Variants in C3 observed in about 807,000 individuals in gnomAD.
C3 encodes complement C3.
C3 carries 97 observed loss-of-function variants against 207.9 expected under a neutral mutation model. The ratio of observed to expected loss-of-function variants is 0.47; its 90% CI spans 0.40 to 0.55. C3 has a LOEUF of 0.55. Ranked by LOEUF, C3 falls within the 20% of genes least tolerant of loss-of-function variation. The pLI, the probability that C3 is intolerant of heterozygous loss-of-function variation, is 0.00. For missense variants in C3, 1,684 were observed against 2,171.7 expected, an observed-to-expected ratio of 0.78 and a Z score of 4.46; for synonymous variants, 848 against 857.6, an observed-to-expected ratio of 0.99 and a Z score of 0.20.
intron 4 of C3, among the ~76,000 whole-genome samples, chr19:6,715,306 CT>C (rs1198132824): frequency 6.6e-6 from 1 of 152,088 alleles, no homozygotes; most frequent in Non-Finnish European, 1.5e-5. Context: ...GAGACTCCAT[CT>C]CTACAAAAAT....
chr19:6,682,007 G>A lies in C3; in HGVS notation c.4284C>T (p.Tyr1428=). Residue 1428 remains tyrosine (Y), a synonymous_variant, in exon 35 of 41, where the codon TAC becomes TAT. Transcript: ENST00000245907. ...CTTTGTCCAGCTCATACTTGGAGAT[G>A]TATCTGTCAACACCATTGGCCAGCT... is the stretch of plus-strand genomic sequence containing the variant. ...LKQLANGVDR[Y]ISKYELDKAF... is the part of the protein sequence containing the mutation. The A allele has an allele frequency of 6.2e-7, 1 of 1,614,126 alleles. No homozygotes were observed. The highest frequency in any genetic ancestry group is 1.1e-5 in the South Asian group (1 of 91,084).
At chr19:6,682,102 G>C in intron 34 of C3, 40 bp downstream of exon 34, 1 of 1,605,552 alleles carries the variant, frequency 6.2e-7, no homozygotes, top group Non-Finnish European at 8.5e-7. Context: ...CCAGAACCCA[G>C]GCTCCTTTCC....
In C3 at chr19:6,694,442, A is replaced by G; in HGVS notation, c.3143T>C (p.Leu1048Pro). ...GGCAGGGAGCCCACCCTTCTTGATG[A>G]GCTCCAAGGCCCCCTGCCGCTTCTC... ...GLEKRQGALELIKKGYTQQLA... is the reference protein window; with the variant it reads ...GLEKRQGALEPIKKGYTQQLA... Residue 1048 changes from leucine to proline, a missense_variant, in exon 24 of 41, where the codon CTC becomes CCC. Leu to Pro is a moderately conservative substitution (Grantham distance 98). Coordinates refer to ENST00000245907, the MANE Select transcript of C3 (RefSeq NM_000064.4). The G allele has an allele frequency of 6.2e-7, 1 of 1,613,888 alleles. No individual in the cohort carries two copies. The highest frequency in any genetic ancestry group is 8.5e-7 in the Non-Finnish European group (1 of 1,179,868).
At position 6,686,263 on chromosome 19, in the gene C3, C is replaced by T. The variant is rs11569534; in HGVS notation, c.3671G>A (p.Gly1224Asp). 1.1e-3 allele frequency: 1,793 copies of T among 1,614,098 alleles called. 12 individuals are homozygous for T. The African/African-American group carries it at 0.019, about 18-fold the overall frequency. ...GGCCTCCACGTTGTAGAGCTGCTTA[C>T]CAGGGTCCTCCCAGCGGTTCTTATC... ...AKDKNRWEDP[G>D]KQLYNVEATS... Residue 1224 changes from glycine (G) to aspartate (D), a missense_variant, in exon 29 of 41, where the codon GGT becomes GAT. Coordinates refer to ENST00000245907, the MANE Select transcript of C3 (RefSeq NM_000064.4).
At position 6,709,845 on chromosome 19, in the gene C3, G is replaced by A. The variant is rs775861552; in HGVS notation, c.1687-3C>T. The A allele has an allele frequency of 6.2e-7, 1 of 1,613,754 alleles. No homozygotes were observed. Among genetic ancestry groups the A allele is most frequent in the Non-Finnish European group, 8.5e-7 (1 of 1,179,986 alleles). ...GACTGGCCGCTTTTTACCACCAGCTGTGGGGAGGGTGGAGACGCCGAAAGA... is the reference window on the plus strand; with the variant it reads ...GACTGGCCGCTTTTTACCACCAGCTATGGGGAGGGTGGAGACGCCGAAAGA... On this transcript the variant is annotated splice_polypyrimidine_tract_variant and splice_region_variant and intron_variant, in intron 13 of 40. Transcript: ENST00000245907.
At chr19:6,680,805 T>C (rs561279780) in intron 35 of C3, among the ~76,000 whole-genome samples, 1 of 152,042 alleles carries the variant, frequency 6.6e-6, no homozygotes, top group Non-Finnish European at 1.5e-5. Context: ...GCAGGGAGGA[T>C]ATGGGGATAG....
At chr19:6,683,802 A>G (rs1242299424) in intron 33 of C3, among the ~76,000 whole-genome samples, 3 of 152,246 alleles carry the variant, frequency 2.0e-5, no homozygotes, top group Admixed American at 6.5e-5. Flanking sequence ...ATGTTGTAAT[A>G]GAAACATTTA....
At chr19:6,713,126 G>C in intron 9 of C3, 63 bp downstream of exon 9, 1 of 1,591,822 alleles carries the variant, frequency 6.3e-7, no homozygotes, top group Non-Finnish European at 8.6e-7. Flanking sequence ...CTTCTGACCT[G>C]GTCTCCCCTC....
At chr19:6,678,112 C>T in intron 40 of C3, 40 bp downstream of exon 40, 1 of 1,614,040 alleles carries the variant, frequency 6.2e-7, no homozygotes, top group Non-Finnish European at 8.5e-7. Flanking sequence ...ATGGGCGGGG[C>T]AGTCGGGCGG....
chr19:6,693,674 G>T (rs1486049545), intron 24 of C3, among the ~76,000 whole-genome samples, 187 bp from the exon 25 acceptor site: 1 of 147,482 alleles, frequency 6.8e-6, no homozygotes, highest in Non-Finnish European at 1.5e-5. Flanking sequence ...AGGTGGAAAA[G>T]TTCTCAAGAG....
Position 6,678,242 on chromosome 19 carries a change from G to C in C3, c.4760C>G (p.Pro1587Arg). The part of the protein sequence containing the change: ...QVGQQRTFIS[P>R]IKCREALKLE... ...CTTCAGGGCTTCTCTGCACTTGATG[G>C]GGCTGATGAACGTGCGCTGCTGTCC... is the stretch of plus-strand genomic sequence containing the variant. Residue 1587 changes from proline to arginine, a missense_variant, in exon 40 of 41, where the codon CCC becomes CGC. By Grantham distance (103) the Pro-to-Arg change is moderately radical. Coordinates refer to ENST00000245907, the MANE Select transcript of C3 (RefSeq NM_000064.4). 1 of 1,614,194 alleles carries C rather than the reference G, an allele frequency of 6.2e-7. No homozygotes were observed. The highest frequency in any genetic ancestry group is 8.5e-7 in the Non-Finnish European group (1 of 1,180,038).
chr19:6,686,340 A>T (rs1918009475), intron 28 of C3, 53 bp from the exon 29 acceptor site: 1 of 1,600,386 alleles, frequency 6.2e-7, no homozygotes, highest in Admixed American at 1.7e-5. Flanking sequence ...CAGCCTGGGG[A>T]TGGCTCAGAG....
intron 4 of C3, among the ~76,000 whole-genome samples, chr19:6,715,298 G>A (rs1402996215): frequency 1.3e-5 from 2 of 152,092 alleles, no homozygotes; most frequent in Non-Finnish European, 2.9e-5. Context: ...AATGTAGGGA[G>A]ACTCCATCTC....
At position 6,679,634 on chromosome 19, in the gene C3, C is replaced by T. The variant is rs2277982; in HGVS notation, c.4457-138G>A. 0.035 allele frequency: 25,565 copies of T among 722,240 alleles called. 568 individuals are homozygous for T. Among genetic ancestry groups the T allele is most frequent in the East Asian group, 0.067 (2,587 of 38,590 alleles). The allele number at this position is 722,240 out of a possible 1,614,324, so 44.7% of individuals were successfully genotyped here. On this transcript the variant is annotated intron_variant, in intron 36 of 40. Transcript: ENST00000245907. ...TCAACCCCTCAGATCCCTCAGACCC[C>T]AAGACCCCCTCTACTTTCTGATCTT...
intron 17 of C3, 78 bp downstream of exon 17, chr19:6,706,990 CAGACAGGG>C: frequency 1.1e-6 from 1 of 950,386 alleles, no homozygotes; most frequent in Non-Finnish European, 1.5e-6. Context: ...CCACCCCCAC[CAGACAGGG>C]CATCCTCCCT....
chr19:6,714,289 C>T lies in C3; in HGVS notation c.600-41G>A, dbSNP rs376523859. 20 of 1,609,372 alleles carry T rather than the reference C, an allele frequency of 1.2e-5. No individual in the cohort carries two copies. In the African/African-American group the frequency reaches 2.5e-4, roughly 20 times the overall value. On this transcript the variant is annotated intron_variant, in intron 5 of 40. Transcript: ENST00000245907. ...ATGAGTGGTCTCTCAGGCCTCGGAG[C>T]CCCCCTGCTCCCTCTCCGGGGATAG...
At chr19:6,679,343 G>T (rs1315553810) in intron 37 of C3, 64 bp downstream of exon 37, 10 of 1,482,390 alleles carry the variant, frequency 6.7e-6, no homozygotes, top group Non-Finnish European at 9.4e-6. Context: ...CTGACCATGG[G>T]ATAGATGACC....
intron 4 of C3, chr19:6,717,673 T>C (rs1175079553): frequency 2.9e-6 from 1 of 341,938 alleles, no homozygotes; most frequent in Non-Finnish European, 5.7e-6. Flanking sequence ...GTATGTTGTG[T>C]TGTGTTGTGT....
At chr19:6,714,786 C>T (rs1289274675) in intron 4 of C3, among the ~76,000 whole-genome samples, 3 of 152,132 alleles carry the variant, frequency 2.0e-5, no homozygotes, top group Admixed American at 6.6e-5. Context: ...CGCTTGAACC[C>T]GGGAGGCGGA....
Sources: allele counts gnomAD v4.1 joint callset (sites outside exome capture counted in the v4.1 genomes callset), GRCh38; gene constraint gnomAD v4.1.1; transcripts MANE v1.5; gene names NCBI Gene and HGNC (gene_info 2026-07-23, HGNC 2026-07-21).